Variants in SLC25A20 observed in about 807,000 individuals in gnomAD.
The protein encoded by SLC25A20 is solute carrier family 25 member 20.
SLC25A20 carries 29 observed loss-of-function variants against 39.7 expected under a neutral mutation model. That is an observed-to-expected ratio of 0.73 (90% confidence interval 0.54 to 1.00). The LOEUF (loss-of-function observed/expected upper bound fraction) is 1.00, where lower values mean the gene tolerates loss of function less well. SLC25A20 is among the 50% of genes least tolerant of loss of function. The pLI, the probability that SLC25A20 is intolerant of heterozygous loss-of-function variation, is 0.00. For missense variants in SLC25A20, 333 were observed against 379.9 expected (o/e 0.88, Z 1.03); for synonymous variants, 103 against 142.2 (o/e 0.72, Z 1.96).
chr3:48,884,621 A>C (rs1575989863), intron 2 of SLC25A20, among the ~76,000 whole-genome samples: 1 of 152,134 alleles, frequency 6.6e-6, no homozygotes. Flanking sequence ...AAGTGCTGGG[A>C]TTATAGGCAT....
At chr3:48,876,106 G>A (rs1464608230) in intron 4 of SLC25A20, among the ~76,000 whole-genome samples, 1 of 152,110 alleles carries the variant, frequency 6.6e-6, no homozygotes, top group Non-Finnish European at 1.5e-5. Flanking sequence ...ACTCTGGGAT[G>A]CCGAGGTGGG....
At chr3:48,867,820 G>A (rs1218454132) in intron 4 of SLC25A20, among the ~76,000 whole-genome samples, 1 of 151,678 alleles carries the variant, frequency 6.6e-6, no homozygotes, top group Non-Finnish European at 1.5e-5. Context: ...CAACACTTTG[G>A]GAGACCGAGG....
intron 4 of SLC25A20, among the ~76,000 whole-genome samples, chr3:48,870,680 A>AT (rs908776945): frequency 1.7e-4 from 24 of 144,118 alleles, no homozygotes; most frequent in Admixed American, 4.9e-4. Flanking sequence ...TGCCCAGCTA[A>AT]TTTTTTTTTT....
At chr3:48,858,388 G>T in intron 8 of SLC25A20, 119 bp downstream of exon 8, 1 of 1,439,388 alleles carries the variant, frequency 6.9e-7, no homozygotes, top group Non-Finnish European at 9.7e-7. Context: ...TGCTCTGGCT[G>T]AAGATAGGGC....
At chr3:48,864,006 C>T (rs2083646695) in intron 4 of SLC25A20, among the ~76,000 whole-genome samples, 1 of 150,638 alleles carries the variant, frequency 6.6e-6, no homozygotes, top group African/African-American at 2.4e-5. Context: ...CAGAGCACAA[C>T]TCTATCTCAA....
intron 4 of SLC25A20, among the ~76,000 whole-genome samples, chr3:48,866,453 C>G (rs181333586): frequency 6.6e-4 from 101 of 151,908 alleles, no homozygotes; most frequent in Middle Eastern, 3.4e-3. Flanking sequence ...ACTCGGGAGG[C>G]TGAGGCAGGA....
intron 4 of SLC25A20, among the ~76,000 whole-genome samples, chr3:48,878,725 G>A (rs973770017): frequency 2.0e-5 from 3 of 151,144 alleles, no homozygotes; most frequent in Admixed American, 6.6e-5. Flanking sequence ...ACTTGAATCC[G>A]GGAGGTGGAG....
chr3:48,888,463 G>A (rs977972876), intron 2 of SLC25A20, among the ~76,000 whole-genome samples: 23 of 151,608 alleles, frequency 1.5e-4, no homozygotes, highest in African/African-American at 4.8e-4. Flanking sequence ...CCAGCTACTC[G>A]GGAGGCTGAG....
At chr3:48,873,337 G>A (rs560453447) in intron 4 of SLC25A20, among the ~76,000 whole-genome samples, 7 of 151,748 alleles carry the variant, frequency 4.6e-5, no homozygotes, top group African/African-American at 7.2e-5. Context: ...GCGGCTGGGC[G>A]CAGTGGCTTA....
chr3:48,893,145 A>G (rs2106666869), intron 1 of SLC25A20, among the ~76,000 whole-genome samples: 1 of 151,938 alleles, frequency 6.6e-6, no homozygotes, highest in Admixed American at 6.6e-5. Flanking sequence ...CTCCCACCTC[A>G]GCCCCCCAAG....
rs2083814276 is a variant in SLC25A20 at position 48,884,062 on chromosome 3, G to A, written c.261C>T (p.Ala87=). 6.2e-6 allele frequency: 10 copies of A among 1,613,936 alleles called. No homozygotes were observed. Among genetic ancestry groups the A allele is most frequent in the Non-Finnish European group, 8.5e-6 (10 of 1,179,924 alleles). Reference sequence around the variant, plus strand: ...CCAAACCAAACCCAAAGAAGCACACGGCAAACATGGGAGTGACCCCGATGA... The same window carrying A: ...CCAAACCAAACCCAAAGAAGCACACAGCAAACATGGGAGTGACCCCGATGA... ...APIIGVTPMF[A]VCFFGFGLGK... The change falls in exon 3 of 9, where the codon GCC becomes GCT. Residue 87 remains alanine (A), a synonymous_variant. Transcript: ENST00000319017.
Position 48,892,007 on chromosome 3 carries a change from G to C in SLC25A20, c.171C>G (p.Asp57Glu). The C allele has an allele frequency of 6.2e-7, 1 of 1,614,016 alleles. No individual in the cohort carries two copies. Among genetic ancestry groups the C allele is most frequent in the Non-Finnish European group, 8.5e-7 (1 of 1,179,918 alleles). Residue 57 changes from aspartate to glutamate, a missense_variant, in exon 2 of 9, where the codon GAC becomes GAG. Physicochemically the swap from Asp to Glu is conservative, Grantham distance 45 (BLOSUM62 2). Transcript: ENST00000319017. The stretch of plus-strand genomic sequence containing the variant: ...CTCTAAAAAGAGTCTTCCGGAAACA[G>C]TCAAAGGTCCCAGAGTACATGGGAG... ...GQPPMYSGTF[D>E]CFRKTLFREG...
chr3:48,873,336 C>T (rs1224231503), intron 4 of SLC25A20, among the ~76,000 whole-genome samples: 2 of 151,160 alleles, frequency 1.3e-5, no homozygotes, highest in African/African-American at 4.9e-5. Flanking sequence ...GGCGGCTGGG[C>T]GCAGTGGCTT....
intron 4 of SLC25A20, 151 bp from the exon 5 acceptor site, chr3:48,862,810 TG>T (rs2083637434): frequency 2.9e-6 from 2 of 687,358 alleles, no homozygotes; most frequent in South Asian, 1.5e-5. Context: ...TGTGTGATCT[TG>T]GGGCAGGTAC....
chr3:48,893,852 G>GAAAAAAAA (rs978467478), intron 1 of SLC25A20, among the ~76,000 whole-genome samples: 2 of 69,106 alleles, frequency 2.9e-5, no homozygotes, highest in Admixed American at 1.8e-4. Context: ...CTTTAAAAAA[G>GAAAAAAAA]AAAAAAAAAA....
intron 2 of SLC25A20, among the ~76,000 whole-genome samples, chr3:48,888,855 G>A (rs1465444013): frequency 6.6e-6 from 1 of 152,094 alleles, no homozygotes; most frequent in Non-Finnish European, 1.5e-5. Flanking sequence ...GGGAGGCTGA[G>A]GCGGGTGGAT....
intron 2 of SLC25A20, among the ~76,000 whole-genome samples, chr3:48,885,312 A>G (rs2083822025): frequency 6.6e-6 from 1 of 152,166 alleles, no homozygotes; most frequent in Admixed American, 6.6e-5. Flanking sequence ...TAACCAATAA[A>G]TAATTAGACA....
At chr3:48,880,251 T>A in intron 3 of SLC25A20, among the ~76,000 whole-genome samples, 1 of 152,050 alleles carries the variant, frequency 6.6e-6, no homozygotes, top group East Asian at 1.9e-4. Context: ...ACCTCTGGCA[T>A]CTCCCTTTCT....
chr3:48,896,511 T>C (rs1421697160), intron 1 of SLC25A20, among the ~76,000 whole-genome samples: 2 of 151,644 alleles, frequency 1.3e-5, no homozygotes, highest in East Asian at 3.9e-4. Context: ...TTGTTTTGTT[T>C]TGTTTTGTTT....
Sources: allele counts gnomAD v4.1 joint callset (sites outside exome capture counted in the v4.1 genomes callset), GRCh38; gene constraint gnomAD v4.1.1; transcripts MANE v1.5; gene names NCBI Gene and HGNC (gene_info 2026-07-23, HGNC 2026-07-21).